The following AVEN variants were observed in gnomAD, a reference collection of about 807,000 sequenced individuals.
AVEN encodes the protein cell death regulator Aven.
Under a neutral mutation model 38.1 loss-of-function variants are expected in AVEN, and 41 were observed. The ratio of observed to expected loss-of-function variants is 1.08; its 90% CI spans 0.84 to 1.40. The LOEUF (loss-of-function observed/expected upper bound fraction) is 1.40. Among genes scored for constraint, AVEN ranks in the 40% most tolerant of loss-of-function variants. The pLI is 0.00. For missense variants in AVEN, 605 were observed against 438.8 expected (o/e 1.38, Z -3.38); for synonymous variants, 206 against 171.8 (o/e 1.20, Z -1.56).
At chr15:34,017,839 C>A (rs1898009440) in intron 1 of AVEN, among the ~76,000 whole-genome samples, 1 of 152,146 alleles carries the variant, frequency 6.6e-6, no homozygotes, top group African/African-American at 2.4e-5. Flanking sequence ...AAGTAATGCA[C>A]CACATACCAT....
downstream of AVEN, chr15:33,856,348 T>C (rs1357575731): frequency 6.6e-6 from 1 of 152,308 alleles, no homozygotes; most frequent in Non-Finnish European, 1.5e-5. Context: ...AAGGCAAAGC[T>C]CTGATCCTGT....
intron 2 of AVEN, among the ~76,000 whole-genome samples, chr15:33,985,665 C>T (rs996274612): frequency 6.6e-6 from 1 of 152,052 alleles, no homozygotes; most frequent in Admixed American, 6.5e-5. Context: ...TCTGTACCCT[C>T]AGCACCTGAC....
exon 5 of AVEN, chr15:34,063,000 C>T (rs755710294): frequency 6.2e-6 from 10 of 1,614,094 alleles, no homozygotes; most frequent in Non-Finnish European, 8.5e-6. Context: ...CCTCATGGGA[C>T]GCTGGGCTCT....
intron 2 of AVEN, among the ~76,000 whole-genome samples, chr15:33,896,094 T>C (rs1378518968): frequency 1.3e-5 from 2 of 152,212 alleles, no homozygotes; most frequent in Non-Finnish European, 1.5e-5. Flanking sequence ...GAGATTAAAC[T>C]GTTTCCAAGT....
intron 2 of AVEN, among the ~76,000 whole-genome samples, chr15:33,906,403 A>C (rs1299508164): frequency 6.6e-6 from 1 of 152,228 alleles, no homozygotes; most frequent in Non-Finnish European, 1.5e-5. Flanking sequence ...CATAGATGCC[A>C]CAAGTTGTTC....
intron 2 of AVEN, among the ~76,000 whole-genome samples, chr15:33,930,911 C>T (rs1227987954): frequency 1.4e-5 from 2 of 144,396 alleles, no homozygotes; most frequent in South Asian, 2.2e-4. Context: ...GCCAAGATCA[C>T]ACCACTGTAC....
chr15:33,925,481 C>T (rs1567416460), intron 2 of AVEN, among the ~76,000 whole-genome samples: 1 of 152,212 alleles, frequency 6.6e-6, no homozygotes, highest in Non-Finnish European at 1.5e-5. Flanking sequence ...CCAATAGTTT[C>T]CCTGGTGCTC....
chr15:33,926,270 C>T (rs910634374), intron 2 of AVEN, among the ~76,000 whole-genome samples: 3 of 152,170 alleles, frequency 2.0e-5, no homozygotes, highest in Non-Finnish European at 4.4e-5. Flanking sequence ...ATTCTAGCTT[C>T]TCTTCTACAA....
chr15:33,996,822 G>A (rs1896955791), intron 2 of AVEN, among the ~76,000 whole-genome samples: 5 of 152,284 alleles, frequency 3.3e-5, no homozygotes, highest in Admixed American at 6.5e-5. Flanking sequence ...GCAGCTCCTC[G>A]CTAGCAAGAG....
intron 1 of AVEN, among the ~76,000 whole-genome samples, chr15:34,014,535 G>C (rs1897798621): frequency 6.6e-6 from 1 of 152,080 alleles, no homozygotes; most frequent in Admixed American, 6.5e-5. Context: ...AGGTGACAAA[G>C]TATCTCCACA....
rs1893354300 is a variant in AVEN, at chr15:33,920,553, T to A, written c.446-44558A>T. Among the ~76,000 whole-genome samples the A allele has an allele frequency of 1.3e-5, 2 of 152,200 alleles. 1 individual carries two copies. Among genetic ancestry groups the A allele is most frequent in the Non-Finnish European group, 2.9e-5 (2 of 68,042 alleles). The stretch of plus-strand genomic sequence containing the variant: ...TTATATCTTAACCCCAGTACACTTT[T>A]ATCTTTCAACGAAAAGAACATGCTC... On this transcript the variant is annotated intron_variant, in intron 2 of 5. Coordinates refer to ENST00000306730, the MANE Select transcript of AVEN (RefSeq NM_020371.3).
Position 34,055,726 on chromosome 15 carries a change from G to A in AVEN, n.1637+7196C>T, listed in dbSNP as rs540857128. Among the ~76,000 whole-genome samples the A allele has an allele frequency of 2.4e-3, 359 of 151,906 alleles. 2 individuals carry two copies. The highest frequency in any genetic ancestry group is 8.1e-3 in the African/African-American group (334 of 41,438). On this transcript the variant is annotated intron_variant and non_coding_transcript_variant, in intron 5 of 11. Transcript: ENST00000675287. The stretch of plus-strand genomic sequence containing the variant: ...TGAGGCAGGAGAATGGTGTGAACCC[G>A]GGAGGTGGAGCTTGCAGTGAGCCGA...
At chr15:33,878,365 G>C (rs547659766) in intron 2 of AVEN, among the ~76,000 whole-genome samples, 2 of 152,202 alleles carry the variant, frequency 1.3e-5, no homozygotes, top group South Asian at 4.1e-4. Flanking sequence ...CAGGTATATG[G>C]AAACTTAGAT....
intron 2 of AVEN, among the ~76,000 whole-genome samples, chr15:33,970,418 A>T (rs1895584836): frequency 6.6e-6 from 1 of 152,154 alleles, no homozygotes; most frequent in East Asian, 1.9e-4. Flanking sequence ...ATCTAATACA[A>T]CAATTTGTTT....
At chr15:33,869,349 C>T (rs985740617) in intron 4 of AVEN, among the ~76,000 whole-genome samples, 1 of 152,176 alleles carries the variant, frequency 6.6e-6, no homozygotes, top group African/African-American at 2.4e-5. Flanking sequence ...TTATTTTATA[C>T]CTTTAATGCC....
At chr15:34,036,875 C>T (rs928678066) in intron 1 of AVEN, among the ~76,000 whole-genome samples, 3 of 152,010 alleles carry the variant, frequency 2.0e-5, no homozygotes, top group Non-Finnish European at 2.9e-5. Flanking sequence ...CTTGGGAGGC[C>T]GAGGCGGGTG....
intron 2 of AVEN, among the ~76,000 whole-genome samples, chr15:33,942,714 G>C (rs1672063804): frequency 6.6e-6 from 1 of 152,138 alleles, no homozygotes; most frequent in Non-Finnish European, 1.5e-5. Flanking sequence ...GCCTCCCAAA[G>C]TGCTGGGATT....
intron 2 of AVEN, among the ~76,000 whole-genome samples, chr15:33,902,494 A>T (rs1276344104): frequency 3.3e-5 from 5 of 152,236 alleles, no homozygotes; most frequent in Non-Finnish European, 7.3e-5. Context: ...AACAGGAAAC[A>T]AATGAAAACT....
chr15:33,968,325 G>A (rs546594326), intron 2 of AVEN, among the ~76,000 whole-genome samples: 3 of 152,112 alleles, frequency 2.0e-5, no homozygotes, highest in South Asian at 4.2e-4. Flanking sequence ...TCAATGACAA[G>A]CTGTTCAAAC....
Sources: gnomAD v4.1 joint callset for allele counts (sites outside exome capture counted in the v4.1 genomes callset) on GRCh38, gnomAD v4.1.1 for gene constraint, MANE v1.5 for transcripts, NCBI Gene and HGNC (gene_info 2026-07-23, HGNC 2026-07-21) for gene names.